CCDC6: variants seen among roughly 807,000 people sequenced by gnomAD.
The protein encoded by CCDC6 is coiled-coil domain-containing protein 6.
A neutral mutation model predicts 56.6 loss-of-function variants in CCDC6; 20 were observed. The ratio of observed to expected loss-of-function variants is 0.35; its 90% CI spans 0.25 to 0.51. The LOEUF is 0.51. Ranked by LOEUF, CCDC6 falls within the 20% of genes least tolerant of loss-of-function variation. The pLI is 0.95. For missense variants in CCDC6, 367 were observed against 601.1 expected (o/e 0.61, Z 4.07); for synonymous variants, 241 against 234.4 (o/e 1.03, Z -0.26).
chr10:59,851,417 C>A (rs986554901), intron 2 of CCDC6, among the ~76,000 whole-genome samples: 7 of 152,110 alleles, frequency 4.6e-5, no homozygotes, highest in Non-Finnish European at 1.0e-4. Flanking sequence ...GGTACCTATT[C>A]TTCACATTTC....
chr10:59,852,426 G>C (rs188280906), intron 2 of CCDC6, 127 bp downstream of exon 2: 46 of 716,882 alleles, frequency 6.4e-5, no homozygotes, highest in African/African-American at 5.2e-4. Context: ...CTGGTATTTT[G>C]AATCTCCAAA....
chr10:59,817,939 AATC>A (rs760683857), intron 3 of CCDC6, among the ~76,000 whole-genome samples: 5 of 152,160 alleles, frequency 3.3e-5, no homozygotes, highest in Non-Finnish European at 7.3e-5. Flanking sequence ...CAGCATGGCA[AATC>A]ATCATTTTAA....
intron 1 of CCDC6, among the ~76,000 whole-genome samples, chr10:59,889,681 A>G (rs2071407564): frequency 6.6e-6 from 1 of 152,198 alleles, no homozygotes; most frequent in South Asian, 2.1e-4. Context: ...AGATTCAGCC[A>G]ATAAGAGGCA....
intron 1 of CCDC6, among the ~76,000 whole-genome samples, chr10:59,886,287 C>T (rs1221044308): frequency 1.3e-5 from 2 of 152,030 alleles, no homozygotes; most frequent in Non-Finnish European, 2.9e-5. Context: ...AAGGAGGCTA[C>T]AATAATAGTA....
chr10:59,829,242 A>C (rs1448495563), intron 3 of CCDC6, among the ~76,000 whole-genome samples: 1 of 152,232 alleles, frequency 6.6e-6, no homozygotes, highest in African/African-American at 2.4e-5. Context: ...TGATAACCCA[A>C]GCTCTACTTT....
chr10:59,877,573 G>A (rs577279751), intron 1 of CCDC6, among the ~76,000 whole-genome samples: 8 of 152,310 alleles, frequency 5.3e-5, no homozygotes, highest in Non-Finnish European at 7.4e-5. Context: ...TCTGAGGGAA[G>A]GAGACTGACT....
intron 2 of CCDC6, among the ~76,000 whole-genome samples, chr10:59,847,405 T>A (rs1224944115): frequency 6.6e-6 from 1 of 151,792 alleles, no homozygotes; most frequent in African/African-American, 2.4e-5. Context: ...ACTAGTGGAG[T>A]GAATCATACA....
At chr10:59,865,710 G>C (rs868362328) in intron 1 of CCDC6, among the ~76,000 whole-genome samples, 1 of 151,748 alleles carries the variant, frequency 6.6e-6, no homozygotes, top group Admixed American at 6.6e-5. Flanking sequence ...AAATTAGCTG[G>C]GTGTGGTGGC....
intron 1 of CCDC6, among the ~76,000 whole-genome samples, chr10:59,892,791 A>G (rs1206027028): frequency 6.6e-6 from 1 of 152,178 alleles, no homozygotes; most frequent in Non-Finnish European, 1.5e-5. Flanking sequence ...ACCAAGGCTC[A>G]AAGGCCCTAA....
chr10:59,794,098 A>C (rs551927992), intron 8 of CCDC6, among the ~76,000 whole-genome samples: 1 of 152,308 alleles, frequency 6.6e-6, no homozygotes, highest in Non-Finnish European at 1.5e-5. Flanking sequence ...AACAAGGCTA[A>C]CTTCAGGAAG....
At chr10:59,867,324 G>A (rs1389513145) in intron 1 of CCDC6, among the ~76,000 whole-genome samples, 2 of 152,164 alleles carry the variant, frequency 1.3e-5, no homozygotes, top group Non-Finnish European at 2.9e-5. Flanking sequence ...TGATGGAAGA[G>A]AGGGTCACAC....
At chr10:59,824,080 A>G (rs527371743) in intron 3 of CCDC6, among the ~76,000 whole-genome samples, 1 of 152,328 alleles carries the variant, frequency 6.6e-6, no homozygotes, top group African/African-American at 2.4e-5. Flanking sequence ...AAGTTGACCT[A>G]TATGTGGCAT....
At chr10:59,813,138 T>A (rs1297758840) in intron 4 of CCDC6, among the ~76,000 whole-genome samples, 1 of 152,236 alleles carries the variant, frequency 6.6e-6, no homozygotes, top group Non-Finnish European at 1.5e-5. Flanking sequence ...ATGTTCAACT[T>A]CTTGGGTTTA....
At chr10:59,867,649 G>C (rs2071188764) in intron 1 of CCDC6, among the ~76,000 whole-genome samples, 1 of 152,168 alleles carries the variant, frequency 6.6e-6, no homozygotes, top group Non-Finnish European at 1.5e-5. Context: ...GACTTCCCGG[G>C]CTTGAGTAAT....
chr10:59,857,527 C>T (rs1031373476), intron 1 of CCDC6, among the ~76,000 whole-genome samples: 17 of 152,108 alleles, frequency 1.1e-4, no homozygotes, highest in African/African-American at 4.1e-4. Flanking sequence ...ACCAAAATCA[C>T]GTAGGGTGGT....
At chr10:59,847,172 G>T (rs1372643881) in intron 2 of CCDC6, among the ~76,000 whole-genome samples, 1 of 151,912 alleles carries the variant, frequency 6.6e-6, no homozygotes, top group Non-Finnish European at 1.5e-5. Context: ...CCTGCCTCAG[G>T]CTCCCAAGTA....
At chr10:59,830,118 T>C (rs2070823428) in intron 3 of CCDC6, among the ~76,000 whole-genome samples, 1 of 152,184 alleles carries the variant, frequency 6.6e-6, no homozygotes. Context: ...TGTGGGAGCA[T>C]ATGTGATAAC....
chr10:59,791,954 C>A lies in CCDC6; in HGVS notation c.*963G>T, dbSNP rs570036777. On this transcript the variant is annotated 3_prime_UTR_variant, in exon 9 of 9. Transcript: ENST00000263102. ...TTCTGGCCATTATGCCAAGATAATG[C>A]GATAATGTCCATTTCAAATAGTATT... The A allele has an allele frequency of 2.7e-5, 6 of 220,106 alleles. No homozygotes were observed. In the East Asian group the frequency reaches 3.4e-4, roughly 12 times the overall value. 13.6% of individuals were successfully genotyped at this position (220,106 alleles called of 1,614,324 possible). A position where few individuals can be genotyped will look rare whatever the true frequency, so the allele number is the denominator to read the frequency against.
intron 2 of CCDC6, among the ~76,000 whole-genome samples, chr10:59,838,035 C>A (rs1419562560): frequency 6.6e-6 from 1 of 152,114 alleles, no homozygotes; most frequent in Non-Finnish European, 1.5e-5. Flanking sequence ...CTCTCAAGAA[C>A]CGACTTGTCA....
Sources: gnomAD v4.1 joint callset for allele counts (sites outside exome capture counted in the v4.1 genomes callset) on GRCh38, gnomAD v4.1.1 for gene constraint, MANE v1.5 for transcripts, NCBI Gene and HGNC (gene_info 2026-07-23, HGNC 2026-07-21) for gene names.